The following AP3B1 variants were observed in gnomAD, a reference collection of about 807,000 sequenced individuals.
AP3B1 encodes the protein AP-3 complex subunit beta-1.
Under a neutral mutation model 132.5 loss-of-function variants are expected in AP3B1, and 61 were observed. The observed-to-expected ratio is 0.46, with a 90% CI of 0.37 to 0.57. AP3B1 has a LOEUF of 0.57. Ranked by LOEUF, AP3B1 falls within the 20% of genes least tolerant of loss-of-function variation. The pLI is 0.00. For synonymous variants in AP3B1, 388 were observed against 438.3 expected, an observed-to-expected ratio of 0.89 and a Z score of 1.43; for missense variants, 1,120 against 1,289.4, an observed-to-expected ratio of 0.87 and a Z score of 2.01.
At chr5:78,207,009 G>A (rs1745532829) in intron 7 of AP3B1, among the ~76,000 whole-genome samples, 2 of 152,082 alleles carry the variant, frequency 1.3e-5, no homozygotes, top group Non-Finnish European at 2.9e-5. Context: ...TGTAATCCCA[G>A]CACTTTGGGA....
chr5:78,059,634 G>C (rs1748958332), intron 22 of AP3B1, among the ~76,000 whole-genome samples: 1 of 152,056 alleles, frequency 6.6e-6, no homozygotes, highest in Admixed American at 6.5e-5. Context: ...CAAATTGTCA[G>C]AATCAGTTTA....
chr5:78,014,705 C>T (rs1746784910), intron 26 of AP3B1, among the ~76,000 whole-genome samples: 5 of 152,116 alleles, frequency 3.3e-5, no homozygotes, highest in Admixed American at 3.3e-4. Flanking sequence ...AGATGGTTTG[C>T]AACGAATTCC....
At chr5:78,216,403 T>C (rs1167191744) in intron 6 of AP3B1, among the ~76,000 whole-genome samples, 166 bp from the exon 7 acceptor site, 2 of 152,208 alleles carry the variant, frequency 1.3e-5, no homozygotes, top group African/African-American at 4.8e-5. Flanking sequence ...ATGGTGACTA[T>C]TCGTCAAAGA....
At chr5:78,072,292 G>A (rs1436290450) in intron 22 of AP3B1, among the ~76,000 whole-genome samples, 1 of 152,078 alleles carries the variant, frequency 6.6e-6, no homozygotes, top group East Asian at 1.9e-4. Flanking sequence ...GATTTTGAAA[G>A]AAAACATACA....
At chr5:78,079,181 C>A (rs896759085) in intron 22 of AP3B1, among the ~76,000 whole-genome samples, 2 of 152,130 alleles carry the variant, frequency 1.3e-5, no homozygotes, top group Non-Finnish European at 2.9e-5. Context: ...AAGGTACCAT[C>A]CACAATCAAC....
intron 6 of AP3B1, among the ~76,000 whole-genome samples, chr5:78,224,810 A>G (rs1720838416): frequency 6.6e-6 from 1 of 152,102 alleles, no homozygotes; most frequent in Non-Finnish European, 1.5e-5. Context: ...TTATAAACAT[A>G]CATGCACCAA....
intron 17 of AP3B1, among the ~76,000 whole-genome samples, chr5:78,123,080 AAAAC>A (rs1353704776): frequency 6.6e-6 from 1 of 152,226 alleles, no homozygotes; most frequent in African/African-American, 2.4e-5. Context: ...AAACCTGAGA[AAAAC>A]AAGCAACGGG....
intron 3 of AP3B1, among the ~76,000 whole-genome samples, chr5:78,235,179 T>A (rs2112508366): frequency 6.6e-6 from 1 of 152,324 alleles, no homozygotes; most frequent in Admixed American, 6.5e-5. Flanking sequence ...TAAAATATTC[T>A]TTTAAAATAT....
At chr5:78,279,394 T>C (rs1472144840) in intron 1 of AP3B1, among the ~76,000 whole-genome samples, 3 of 152,224 alleles carry the variant, frequency 2.0e-5, no homozygotes, top group Admixed American at 2.0e-4. Flanking sequence ...ATTGTTCCCA[T>C]TTAATAGATG....
At chr5:78,074,848 G>A (rs958778903) in intron 22 of AP3B1, among the ~76,000 whole-genome samples, 5 of 152,118 alleles carry the variant, frequency 3.3e-5, no homozygotes, top group African/African-American at 1.2e-4. Flanking sequence ...CAGGAGAACT[G>A]CTTGAACCTG....
chr5:78,061,714 C>T (rs1413819214), intron 22 of AP3B1, among the ~76,000 whole-genome samples: 1 of 152,200 alleles, frequency 6.6e-6, no homozygotes, highest in Non-Finnish European at 1.5e-5. Flanking sequence ...TATTATCACC[C>T]ATTGACAAAC....
chr5:78,234,638 T>C (rs1746794810), intron 3 of AP3B1, among the ~76,000 whole-genome samples: 1 of 152,226 alleles, frequency 6.6e-6, no homozygotes, highest in African/African-American at 2.4e-5. Context: ...CTAAGTAATT[T>C]ATCCCATCTG....
chr5:78,094,180 G>C (rs1369026926), intron 21 of AP3B1, among the ~76,000 whole-genome samples: 2 of 152,070 alleles, frequency 1.3e-5, no homozygotes, highest in Non-Finnish European at 2.9e-5. Context: ...CATGGTATGG[G>C]GTCCTAAAAT....
chr5:78,034,406 C>G lies in AP3B1; in HGVS notation c.2849G>C (p.Gly950Ala), dbSNP rs1382628368. The G allele has an allele frequency of 1.9e-6, 3 of 1,611,966 alleles. No individual in the cohort carries two copies. Among genetic ancestry groups the G allele is most frequent in the Non-Finnish European group, 2.5e-6 (3 of 1,178,464 alleles). Residue 950 changes from glycine to alanine, a missense_variant, in exon 24 of 27, where the codon GGT becomes GCT. By Grantham distance (60) the Gly-to-Ala change is moderately conservative. Around this residue, in one of 3 missense-constraint regions of AP3B1, gnomAD observed 906 missense variants for 997.1 expected, o/e 0.91. Coordinates refer to ENST00000255194, the MANE Select transcript of AP3B1 (RefSeq NM_003664.5). The part of the protein sequence containing the change: ...EPEGSITVSM[G>A]IDFCDSTQTA... ...CTGAGTAGAATCACAAAAGTCAATACCCATTGAAACTGTAATGGATCCCTC... is the reference window on the plus strand; with the variant it reads ...CTGAGTAGAATCACAAAAGTCAATAGCCATTGAAACTGTAATGGATCCCTC...
chr5:78,043,162 G>GT (rs1219113417), intron 22 of AP3B1: 1 of 153,126 alleles, frequency 6.5e-6, no homozygotes, highest in Non-Finnish European at 1.5e-5. Context: ...TTGAGATGGT[G>GT]TAACACTCTG....
At chr5:78,148,029 T>C (rs1303047326) in intron 14 of AP3B1, among the ~76,000 whole-genome samples, 1 of 142,272 alleles carries the variant, frequency 7.0e-6, no homozygotes, top group East Asian at 2.0e-4. Flanking sequence ...CAAGACTCCA[T>C]TAAAAAAAAA....
chr5:78,188,585 T>C (rs766029982), intron 7 of AP3B1, among the ~76,000 whole-genome samples: 6 of 152,174 alleles, frequency 3.9e-5, no homozygotes, highest in Non-Finnish European at 8.8e-5. Context: ...AAACAGACGC[T>C]GGCCAGGCTG....
At chr5:78,111,458 G>A (rs922568543) in intron 19 of AP3B1, among the ~76,000 whole-genome samples, 4 of 152,166 alleles carry the variant, frequency 2.6e-5, no homozygotes, top group Non-Finnish European at 5.9e-5. Context: ...TAAGGTTGCA[G>A]TGATAATACA....
intron 17 of AP3B1, among the ~76,000 whole-genome samples, chr5:78,119,062 C>G (rs1264354214): frequency 6.6e-6 from 1 of 152,212 alleles, no homozygotes; most frequent in Non-Finnish European, 1.5e-5. Context: ...CCCACCGCTG[C>G]TGATACCCAG....
Sources: allele counts gnomAD v4.1 joint callset (sites outside exome capture counted in the v4.1 genomes callset), GRCh38; gene constraint gnomAD v4.1.1; regional missense constraint gnomAD v4.1.1; transcripts MANE v1.5; gene names NCBI Gene and HGNC (gene_info 2026-07-23, HGNC 2026-07-21).